PRKG1: variants seen among roughly 807,000 people sequenced by gnomAD.
PRKG1 encodes protein kinase cGMP-dependent 1.
A neutral mutation model predicts 88.1 loss-of-function variants in PRKG1; 35 were observed. The observed-to-expected ratio is 0.40, with a 90% CI of 0.30 to 0.53. The LOEUF is 0.53. PRKG1 is among the 20% of genes least tolerant of loss of function. The pLI, the probability that PRKG1 is intolerant of heterozygous loss-of-function variation, is 0.59. For synonymous variants in PRKG1, 303 were observed against 292.5 expected, an observed-to-expected ratio of 1.04 and a Z score of -0.37; for missense variants, 540 against 839.8, an observed-to-expected ratio of 0.64 and a Z score of 4.41.
rs533564517 is a variant in PRKG1, at chr10:51,442,798, C to G, written c.479-24925C>G. Among the ~76,000 whole-genome samples the G allele has an allele frequency of 1.7e-4, 26 of 152,148 alleles. No individual in the cohort carries two copies. In the South Asian group the frequency reaches 5.2e-3, roughly 30 times the overall value. On this transcript the variant is annotated intron_variant, in intron 2 of 17. Coordinates refer to ENST00000373980, the MANE Select transcript of PRKG1 (RefSeq NM_006258.4). ...GGTCCACAACCAAAACCAAAAATTT[C>G]TCTTTATGCTGTAGCATAGCCAACC...
At chr10:52,044,952 G>A (rs10823999) in intron 5 of PRKG1, among the ~76,000 whole-genome samples, 24,305 of 152,064 alleles carry the variant, frequency 0.16, 2,012 homozygotes, top group East Asian at 0.29. Flanking sequence ...TTAAACCTTT[G>A]TGTCAACTCC....
intron 3 of PRKG1, among the ~76,000 whole-genome samples, chr10:51,694,993 TTC>T (rs1417549851): frequency 6.6e-6 from 1 of 152,172 alleles, no homozygotes; most frequent in Non-Finnish European, 1.5e-5. Context: ...AGCTCATTTG[TTC>T]TGTGTTGCAT....
intron 9 of PRKG1, among the ~76,000 whole-genome samples, chr10:52,196,408 T>C (rs991676028): frequency 2.0e-5 from 3 of 152,190 alleles, no homozygotes; most frequent in Admixed American, 1.3e-4. Context: ...ATTCAAAATG[T>C]AGGTGTTATT....
chr10:51,483,800 C>T (rs1043424708), intron 3 of PRKG1, among the ~76,000 whole-genome samples: 1 of 152,144 alleles, frequency 6.6e-6, no homozygotes, highest in African/African-American at 2.4e-5. Context: ...CTTTATCATA[C>T]TCTTTTGCAG....
intron 5 of PRKG1, among the ~76,000 whole-genome samples, chr10:51,928,384 C>T (rs1842621808): frequency 6.6e-6 from 1 of 152,194 alleles, no homozygotes; most frequent in African/African-American, 2.4e-5. Flanking sequence ...TTTCTGTCAT[C>T]ATTATGGCTA....
At chr10:51,939,631 G>A (rs1192717222) in intron 5 of PRKG1, among the ~76,000 whole-genome samples, 1 of 150,786 alleles carries the variant, frequency 6.6e-6, no homozygotes, top group African/African-American at 2.4e-5. Flanking sequence ...CACTATCTTG[G>A]TCATGTCCTT....
intron 7 of PRKG1, among the ~76,000 whole-genome samples, chr10:52,069,152 T>C (rs72803124): frequency 0.17 from 26,328 of 152,190 alleles, 2,880 homozygotes; most frequent in South Asian, 0.28. Context: ...CACTTCATAG[T>C]CTGTGATCAT....
intron 3 of PRKG1, among the ~76,000 whole-genome samples, chr10:51,788,612 A>G (rs1322097096): frequency 6.6e-6 from 1 of 152,162 alleles, no homozygotes; most frequent in Non-Finnish European, 1.5e-5. Context: ...GCCAAATAGT[A>G]TTCCATCTGT....
chr10:51,946,003 G>A (rs1227587621), intron 5 of PRKG1, among the ~76,000 whole-genome samples: 13 of 151,430 alleles, frequency 8.6e-5, no homozygotes. Flanking sequence ...ATGTTGGCCT[G>A]CCTTGCTAGA....
intron 9 of PRKG1, among the ~76,000 whole-genome samples, chr10:52,179,943 T>C (rs1159593308): frequency 6.6e-6 from 1 of 152,210 alleles, no homozygotes; most frequent in Non-Finnish European, 1.5e-5. Flanking sequence ...CGCTTTGGCA[T>C]CCCAAAGTGC....
At chr10:51,508,132 T>C (rs1444199808) in intron 3 of PRKG1, among the ~76,000 whole-genome samples, 7 of 152,216 alleles carry the variant, frequency 4.6e-5, no homozygotes. Context: ...AGATACCCCA[T>C]AGAGCTAGAA....
At chr10:52,181,419 C>CTTTTTTTTTTT (rs761799361) in intron 9 of PRKG1, among the ~76,000 whole-genome samples, 47 of 54,920 alleles carry the variant, frequency 8.6e-4, no homozygotes, top group Admixed American at 1.5e-3. Context: ...CACAGCTCTT[C>CTTTTTTTTTTT]TTTTTTTTTT....
chr10:51,779,551 G>A lies in PRKG1; in HGVS notation c.593-25034G>A, dbSNP rs1264010923. The stretch of plus-strand genomic sequence containing the variant: ...TCCTTTAATTTGAAAATTTGCTATT[G>A]AGCCAAAAATCATATGATAAAATTA... On this transcript the variant is annotated intron_variant, in intron 3 of 17. Coordinates refer to ENST00000373980, the MANE Select transcript of PRKG1 (RefSeq NM_006258.4). 3.9e-5 allele frequency among the ~76,000 whole-genome samples: 6 copies of A among 151,930 alleles called. No homozygotes were observed. In the East Asian group the frequency reaches 1.2e-3, roughly 30 times the overall value.
chr10:52,222,455 G>A (rs1031039224), intron 9 of PRKG1, among the ~76,000 whole-genome samples: 2 of 152,126 alleles, frequency 1.3e-5, no homozygotes, highest in African/African-American at 4.8e-5. Flanking sequence ...ATTTTCTGAT[G>A]AATGTTTCTC....
At chr10:52,190,533 A>T (rs1186026901) in intron 9 of PRKG1, among the ~76,000 whole-genome samples, 1 of 152,130 alleles carries the variant, frequency 6.6e-6, no homozygotes, top group Non-Finnish European at 1.5e-5. Flanking sequence ...TAATCCTAAC[A>T]ACTCTATTAG....
chr10:52,216,922 G>A (rs537626339), intron 9 of PRKG1, among the ~76,000 whole-genome samples: 17 of 152,194 alleles, frequency 1.1e-4, no homozygotes, highest in African/African-American at 4.1e-4. Flanking sequence ...TAATAAGTGA[G>A]TTCAGCTCCT....
At chr10:51,505,480 C>T (rs1589026065) in intron 3 of PRKG1, among the ~76,000 whole-genome samples, 1 of 152,208 alleles carries the variant, frequency 6.6e-6, no homozygotes, top group East Asian at 1.9e-4. Context: ...ATGATGCTGG[C>T]CTCATAAAAT....
chr10:51,284,349 G>A (rs1426562537), intron 2 of PRKG1, among the ~76,000 whole-genome samples: 1 of 152,110 alleles, frequency 6.6e-6, no homozygotes, highest in Non-Finnish European at 1.5e-5. Context: ...CCCACTTTAC[G>A]TACTAGGAAG....
chr10:50,991,418 C>A lies in PRKG1; in HGVS notation c.40C>A (p.Leu14Ile). 1 of 1,573,860 alleles carries A rather than the reference C, an allele frequency of 6.4e-7. No homozygotes were observed. ...GGAAGACTTTGCCAAGATTCTCATG[C>A]TCAAGGAGGAGAGGATCAAAGAGCT... is the stretch of plus-strand genomic sequence containing the variant. Residue 14 changes from leucine to isoleucine, a missense_variant, in exon 1 of 18, where the codon CTC (leucine) becomes ATC (isoleucine). Leu to Ile is a conservative substitution (Grantham distance 5). Coordinates refer to the PRKG1 transcript ENST00000401604. This position sits in a 1 kb window ranked among gnomAD's most constrained non-coding sequence, Gnocchi z 4.5.
Sources: gnomAD v4.1 joint callset for allele counts (sites outside exome capture counted in the v4.1 genomes callset) on GRCh38, gnomAD v4.1.1 for gene constraint, Gnocchi (gnomAD v3.1) non-coding constraint, MANE v1.5 for transcripts, NCBI Gene and HGNC (gene_info 2026-07-23, HGNC 2026-07-21) for gene names.